ARHGAP26: variants seen among roughly 807,000 people sequenced by gnomAD.
ARHGAP26 encodes the protein rho GTPase-activating protein 26.
In ARHGAP26, 38 loss-of-function variants were observed where a neutral mutation model predicts 104.8. The observed-to-expected ratio is 0.36, with a 90% CI of 0.28 to 0.48. The LOEUF (loss-of-function observed/expected upper bound fraction) is 0.48. Ranked by LOEUF, ARHGAP26 falls within the 20% of genes least tolerant of loss-of-function variation. ARHGAP26 has a pLI of 0.99. For synonymous variants in ARHGAP26, 341 were observed against 340.0 expected (o/e 1.00, Z -0.03); for missense variants, 704 against 947.9 (o/e 0.74, Z 3.38).
chr5:143,096,517 G>A (rs557059271), intron 17 of ARHGAP26, among the ~76,000 whole-genome samples: 5 of 152,274 alleles, frequency 3.3e-5, no homozygotes, highest in African/African-American at 1.2e-4. Context: ...GAAAAAAGAG[G>A]TTCAGCTTGC....
At chr5:142,919,614 CA>C (rs752148323) in intron 10 of ARHGAP26, among the ~76,000 whole-genome samples, 3 of 152,174 alleles carry the variant, frequency 2.0e-5, no homozygotes, top group Admixed American at 6.5e-5. Context: ...CTTCACAAAG[CA>C]GCCCATTCAC....
intron 20 of ARHGAP26, among the ~76,000 whole-genome samples, chr5:143,153,883 C>T (rs1800145251): frequency 6.6e-6 from 1 of 152,162 alleles, no homozygotes; most frequent in Admixed American, 6.5e-5. Context: ...CCTTCTTCTC[C>T]TGTCTTAGTG....
intron 12 of ARHGAP26, among the ~76,000 whole-genome samples, chr5:143,018,142 C>G (rs1262616017): frequency 1.3e-5 from 2 of 152,170 alleles, no homozygotes; most frequent in African/African-American, 4.8e-5. Flanking sequence ...TGGGTTTCCT[C>G]TTCTGTTAAT....
chr5:143,016,865 G>C (rs1469869667), intron 12 of ARHGAP26, among the ~76,000 whole-genome samples: 1 of 152,122 alleles, frequency 6.6e-6, no homozygotes, highest in Non-Finnish European at 1.5e-5. Context: ...ACATGGTACA[G>C]GTTCTTAGCT....
chr5:142,935,003 G>A (rs974839761), intron 11 of ARHGAP26, among the ~76,000 whole-genome samples: 6 of 152,154 alleles, frequency 3.9e-5, no homozygotes, highest in African/African-American at 7.2e-5. Context: ...TTATGGTGTC[G>A]ATGGACATAT....
intron 17 of ARHGAP26, among the ~76,000 whole-genome samples, chr5:143,062,123 C>G (rs1355720327): frequency 6.6e-6 from 1 of 152,174 alleles, no homozygotes; most frequent in Non-Finnish European, 1.5e-5. Flanking sequence ...AGTATTAAGT[C>G]TATTGCATGG....
intron 1 of ARHGAP26, among the ~76,000 whole-genome samples, chr5:142,863,298 A>G (rs1021303565): frequency 6.6e-6 from 1 of 152,086 alleles, no homozygotes; most frequent in Admixed American, 6.5e-5. Context: ...AGCCAGAGAC[A>G]GGGTTTCACT....
At chr5:143,009,870 G>A (rs979090439) in intron 11 of ARHGAP26, among the ~76,000 whole-genome samples, 1 of 152,202 alleles carries the variant, frequency 6.6e-6, no homozygotes, top group African/African-American at 2.4e-5. Flanking sequence ...AACTGTTTCA[G>A]TCTTCTGAGG....
intron 10 of ARHGAP26, among the ~76,000 whole-genome samples, chr5:142,914,938 T>A (rs1345112654): frequency 1.3e-5 from 2 of 152,192 alleles, no homozygotes; most frequent in Non-Finnish European, 1.5e-5. Flanking sequence ...AAATGCACAG[T>A]TCCTAGAGAT....
At chr5:143,035,935 C>CAAAAAA (rs10713064) in intron 12 of ARHGAP26, among the ~76,000 whole-genome samples, 1 of 78,092 alleles carries the variant, frequency 1.3e-5, no homozygotes, top group Non-Finnish European at 2.6e-5. Flanking sequence ...GACCTTGTCT[C>CAAAAAA]AAAAAAAAAA....
At chr5:142,889,819 A>G (rs1310457968) in intron 5 of ARHGAP26, among the ~76,000 whole-genome samples, 2 of 151,642 alleles carry the variant, frequency 1.3e-5, no homozygotes, top group African/African-American at 4.8e-5. Flanking sequence ...TGGGTTATGC[A>G]ATAGGGTAGG....
chr5:143,109,946 A>C (rs1318017895), intron 17 of ARHGAP26, among the ~76,000 whole-genome samples: 1 of 152,178 alleles, frequency 6.6e-6, no homozygotes, highest in Non-Finnish European at 1.5e-5. Flanking sequence ...CCTCAAGTCC[A>C]TTATGTCTCT....
rs1266548592 is a variant in ARHGAP26, at chr5:142,932,212, C to A, written c.1107+87C>A. On this transcript the variant is annotated intron_variant, in intron 11 of 22. Coordinates refer to ENST00000645722, the MANE Select transcript of ARHGAP26 (RefSeq NM_001135608.3). Reference sequence around the variant, plus strand: ...TAGTGCAGTGATTTTTGCTGCTGTTCTAAAGCCTTGGGTTCTTGAAACCAG... The same window carrying A: ...TAGTGCAGTGATTTTTGCTGCTGTTATAAAGCCTTGGGTTCTTGAAACCAG... 3.1e-6 allele frequency: 4 copies of A among 1,282,380 alleles called. No homozygotes were observed. The Admixed American group carries it at 6.9e-5, about 22-fold the overall frequency. 79.4% of individuals were successfully genotyped at this position (1,282,380 alleles called of 1,614,324 possible). A position where few individuals can be genotyped will look rare whatever the true frequency, so the allele number is the denominator to read the frequency against.
At chr5:143,019,201 G>C (rs753986015) in intron 12 of ARHGAP26, among the ~76,000 whole-genome samples, 1 of 152,016 alleles carries the variant, frequency 6.6e-6, no homozygotes, top group Non-Finnish European at 1.5e-5. Context: ...ACCTAGTAGA[G>C]AAGGGAAGGG....
chr5:143,100,094 AGGTC>A (rs879421238), intron 17 of ARHGAP26, among the ~76,000 whole-genome samples: 1 of 152,234 alleles, frequency 6.6e-6, no homozygotes, highest in African/African-American at 2.4e-5. Flanking sequence ...CAGTATGAGA[AGGTC>A]CAAAATATGG....
chr5:142,976,728 G>A (rs1180090806), intron 11 of ARHGAP26, among the ~76,000 whole-genome samples: 1 of 152,180 alleles, frequency 6.6e-6, no homozygotes, highest in African/African-American at 2.4e-5. Context: ...GAGACATCTG[G>A]TTCCCTGTAG....
chr5:142,926,558 A>T (rs1331627894), intron 10 of ARHGAP26, among the ~76,000 whole-genome samples: 1 of 152,082 alleles, frequency 6.6e-6, no homozygotes, highest in African/African-American at 2.4e-5. Context: ...CTTATTAGTT[A>T]TCAGATGTTA....
intron 20 of ARHGAP26, among the ~76,000 whole-genome samples, chr5:143,175,861 C>T (rs1803404731): frequency 6.6e-6 from 1 of 152,202 alleles, no homozygotes; most frequent in Non-Finnish European, 1.5e-5. Flanking sequence ...CGCCTGTAAT[C>T]CCAGCACTTT....
chr5:142,781,961 C>T (rs13436658), intron 1 of ARHGAP26, among the ~76,000 whole-genome samples: 1,681 of 152,282 alleles, frequency 0.011, 41 homozygotes, highest in African/African-American at 0.038. Flanking sequence ...GTGATCTGCC[C>T]GCCTTGGCCT....
Sources: gnomAD v4.1 joint callset for allele counts (sites outside exome capture counted in the v4.1 genomes callset) on GRCh38, gnomAD v4.1.1 for gene constraint, MANE v1.5 for transcripts, NCBI Gene and HGNC (gene_info 2026-07-23, HGNC 2026-07-21) for gene names.